The following TMEM163 variants were observed in gnomAD, a reference collection of about 807,000 sequenced individuals.
The protein encoded by TMEM163 is transmembrane protein 163.
In TMEM163, 17 loss-of-function variants were observed where a neutral mutation model predicts 29.3. That is an observed-to-expected ratio of 0.58 (90% confidence interval 0.40 to 0.87). The LOEUF is 0.87. TMEM163 is among the 40% of genes least tolerant of loss of function. TMEM163 has a pLI of 0.00. For synonymous variants in TMEM163, 157 were observed against 160.6 expected, an observed-to-expected ratio of 0.98 and a Z score of 0.17; for missense variants, 303 against 381.5, an observed-to-expected ratio of 0.79 and a Z score of 1.71.
intron 2 of TMEM163, among the ~76,000 whole-genome samples, chr2:134,579,346 C>A (rs1259154178): frequency 1.3e-5 from 2 of 152,206 alleles, no homozygotes; most frequent in Non-Finnish European, 2.9e-5. Flanking sequence ...AAAATCACAT[C>A]ACCATAATCT....
intron 2 of TMEM163, among the ~76,000 whole-genome samples, chr2:134,587,078 T>A (rs1351759645): frequency 1.4e-5 from 2 of 144,194 alleles, no homozygotes; most frequent in Admixed American, 7.1e-5. Flanking sequence ...GAAAAAAAAA[T>A]GGCTTAAATA....
At chr2:134,487,065 T>C (rs1679329098) in intron 5 of TMEM163, among the ~76,000 whole-genome samples, 2 of 152,136 alleles carry the variant, frequency 1.3e-5, no homozygotes, top group Admixed American at 6.5e-5. Context: ...TGAGAAGCCC[T>C]TCTGTTACAG....
At chr2:134,472,293 T>C (rs934901252) in intron 5 of TMEM163, among the ~76,000 whole-genome samples, 1 of 152,044 alleles carries the variant, frequency 6.6e-6, no homozygotes, top group African/African-American at 2.4e-5. Context: ...AAAGGGCTCA[T>C]GGAAATCTAG....
At chr2:134,503,354 G>A (rs1054313125) in intron 4 of TMEM163, among the ~76,000 whole-genome samples, 1 of 152,228 alleles carries the variant, frequency 6.6e-6, no homozygotes, top group Non-Finnish European at 1.5e-5. Context: ...TGGTTTAACA[G>A]CAGAATGGAG....
At chr2:134,713,057 A>G (rs1158276926) in intron 2 of TMEM163, 143 bp downstream of exon 2, 9 of 1,247,582 alleles carry the variant, frequency 7.2e-6, no homozygotes, top group South Asian at 6.3e-5. Context: ...TGACTAATTT[A>G]TCAGTACCCT....
chr2:134,631,560 TA>T (rs1434186529), intron 2 of TMEM163, among the ~76,000 whole-genome samples: 1 of 152,154 alleles, frequency 6.6e-6, no homozygotes, highest in Admixed American at 6.5e-5. Flanking sequence ...ATGAGAAAAC[TA>T]AAGCCCAGAA....
chr2:134,653,967 C>G (rs373361047), intron 2 of TMEM163, among the ~76,000 whole-genome samples: 3 of 110,698 alleles, frequency 2.7e-5, no homozygotes, highest in South Asian at 2.9e-4. Context: ...TTACTTCCAA[C>G]TATGTGGTCA....
chr2:134,717,259 G>T (rs1573560109), intron 1 of TMEM163, among the ~76,000 whole-genome samples: 1 of 152,162 alleles, frequency 6.6e-6, no homozygotes, highest in African/African-American at 2.4e-5. Context: ...TAAATCCTAC[G>T]ATATTAGCTG....
At chr2:134,582,318 G>A (rs1681714479) in intron 2 of TMEM163, among the ~76,000 whole-genome samples, 1 of 152,200 alleles carries the variant, frequency 6.6e-6, no homozygotes, top group African/African-American at 2.4e-5. Context: ...TATGGTAGGT[G>A]CACCTAATAG....
intron 2 of TMEM163, among the ~76,000 whole-genome samples, chr2:134,574,794 G>T (rs143977394): frequency 6.6e-6 from 1 of 152,134 alleles, no homozygotes; most frequent in South Asian, 2.1e-4. Flanking sequence ...CAGATGGCTC[G>T]ATTTGATGCA....
chr2:134,597,030 T>G (rs1363304844), intron 2 of TMEM163, among the ~76,000 whole-genome samples: 1 of 152,186 alleles, frequency 6.6e-6, no homozygotes, highest in Admixed American at 6.5e-5. Flanking sequence ...CGACGGGGTT[T>G]TCTAGATATA....
At chr2:134,514,358 A>G (rs1304110162) in intron 4 of TMEM163, among the ~76,000 whole-genome samples, 4 of 151,248 alleles carry the variant, frequency 2.6e-5, no homozygotes, top group African/African-American at 9.7e-5. Context: ...GGCCACACAT[A>G]AAATACACTA....
At chr2:134,551,418 AC>A (rs1330251835) in intron 3 of TMEM163, among the ~76,000 whole-genome samples, 1 of 152,060 alleles carries the variant, frequency 6.6e-6, no homozygotes, top group Middle Eastern at 3.2e-3. Context: ...AGGCATACCG[AC>A]CCTTGGGTAC....
chr2:134,525,121 C>T (rs1680265896), intron 4 of TMEM163, among the ~76,000 whole-genome samples: 1 of 152,228 alleles, frequency 6.6e-6, no homozygotes, highest in Non-Finnish European at 1.5e-5. Flanking sequence ...GTTTGAAAAG[C>T]TCCCCAGGTG....
intron 2 of TMEM163, among the ~76,000 whole-genome samples, chr2:134,616,826 A>G (rs753103184): frequency 2.0e-5 from 3 of 152,210 alleles, no homozygotes; most frequent in Admixed American, 2.0e-4. Context: ...ATTCTTATGA[A>G]TTTACAAATA....
intron 2 of TMEM163, among the ~76,000 whole-genome samples, chr2:134,685,064 G>T (rs1684325895): frequency 6.6e-6 from 1 of 152,028 alleles, no homozygotes; most frequent in Admixed American, 6.6e-5. Flanking sequence ...GTTATACTAA[G>T]ATTAAAAAGG....
chr2:134,600,614 G>A (rs1442864246), intron 2 of TMEM163, among the ~76,000 whole-genome samples: 2 of 152,144 alleles, frequency 1.3e-5, no homozygotes, highest in Non-Finnish European at 2.9e-5. Context: ...ATTGACAGGT[G>A]GAGCCTTTAA....
At chr2:134,572,871 T>C (rs1283253099) in intron 2 of TMEM163, among the ~76,000 whole-genome samples, 1 of 152,156 alleles carries the variant, frequency 6.6e-6, no homozygotes, top group Non-Finnish European at 1.5e-5. Context: ...ATTGCTGCAG[T>C]GGCAACGATC....
chr2:134,695,831 A>G (rs1212028930), intron 2 of TMEM163, among the ~76,000 whole-genome samples: 1 of 152,164 alleles, frequency 6.6e-6, no homozygotes, highest in African/African-American at 2.4e-5. Context: ...CAGGCAGATC[A>G]CCTGAGGTCA....
Sources: allele counts gnomAD v4.1 joint callset (sites outside exome capture counted in the v4.1 genomes callset), GRCh38; gene constraint gnomAD v4.1.1; transcripts MANE v1.5; gene names NCBI Gene and HGNC (gene_info 2026-07-23, HGNC 2026-07-21).